LAMA2: variants seen among roughly 807,000 people sequenced by gnomAD.
LAMA2 encodes the protein laminin subunit alpha 2.
Under a neutral mutation model 364.8 loss-of-function variants are expected in LAMA2, and 269 were observed. That is an observed-to-expected ratio of 0.74 (90% CI 0.67 to 0.82). LAMA2 has a LOEUF of 0.82. Ranked by LOEUF, LAMA2 falls within the 40% of genes least tolerant of loss-of-function variation. The pLI, the probability that LAMA2 is intolerant of heterozygous loss-of-function variation, is 0.00. For missense variants in LAMA2, 3,807 were observed against 3,873.2 expected (o/e 0.98, Z 0.45); for synonymous variants, 1,379 against 1,370.6 (o/e 1.01, Z -0.14).
chr6:129,393,160 G>A lies in LAMA2; in HGVS notation c.5350G>A (p.Asp1784Asn), dbSNP rs1779415739. Residue 1784 changes from aspartate to asparagine, a missense_variant, in exon 37 of 65, where the codon GAT becomes AAT. Transcript: ENST00000421865. ...EKLADYKNKVDDAWDLLREAT... is the reference protein window; with the variant it reads ...EKLADYKNKVNDAWDLLREAT... ...ACTGGCTGACTACAAAAACAAAGTTGATGATGCTTGGGACCTTTTGAGAGA... is the reference window on the plus strand; with the variant it reads ...ACTGGCTGACTACAAAAACAAAGTTAATGATGCTTGGGACCTTTTGAGAGA... 1.9e-6 allele frequency: 3 copies of A among 1,613,980 alleles called. No individual in the cohort carries two copies. The South Asian group carries it at 3.3e-5, about 18-fold the overall frequency.
intron 8 of LAMA2, among the ~76,000 whole-genome samples, chr6:129,156,769 A>C (rs969468772): frequency 2.0e-5 from 3 of 152,116 alleles, no homozygotes; most frequent in African/African-American, 7.2e-5. Context: ...AGATGCTTTA[A>C]ACTTCTTTTG....
At chr6:129,367,421 A>G (rs1468822718) in intron 33 of LAMA2, among the ~76,000 whole-genome samples, 1 of 152,228 alleles carries the variant, frequency 6.6e-6, no homozygotes, top group African/African-American at 2.4e-5. Context: ...GCAAGAATAC[A>G]TAATGACCAT....
intron 1 of LAMA2, among the ~76,000 whole-genome samples, chr6:128,981,997 A>G (rs954329751): frequency 6.6e-6 from 1 of 152,170 alleles, no homozygotes; most frequent in African/African-American, 2.4e-5. Flanking sequence ...AGCATGAGTC[A>G]CACGCTTTCC....
chr6:129,330,163 A>G (rs926839877), intron 29 of LAMA2, among the ~76,000 whole-genome samples: 22 of 151,942 alleles, frequency 1.4e-4, no homozygotes, highest in Admixed American at 5.9e-4. Context: ...ATTTCATTAT[A>G]TATTACAATG....
chr6:128,984,363 G>A (rs898845355), intron 1 of LAMA2, among the ~76,000 whole-genome samples: 1 of 152,096 alleles, frequency 6.6e-6, no homozygotes, highest in African/African-American at 2.4e-5. Flanking sequence ...CTCATTCATT[G>A]CAGATGTTTG....
At chr6:128,940,074 T>C (rs1301898185) in intron 1 of LAMA2, among the ~76,000 whole-genome samples, 1 of 151,860 alleles carries the variant, frequency 6.6e-6, no homozygotes, top group African/African-American at 2.4e-5. Context: ...TTGCCTCAGT[T>C]TTTCAAGTTA....
intron 29 of LAMA2, among the ~76,000 whole-genome samples, chr6:129,331,219 TG>T (rs1157165205): frequency 1.3e-5 from 2 of 152,162 alleles, no homozygotes; most frequent in African/African-American, 2.4e-5. Flanking sequence ...AAAAGACAAT[TG>T]TGCCATCTAA....
chr6:129,037,993 T>G (rs1786784522), intron 1 of LAMA2, among the ~76,000 whole-genome samples: 1 of 152,228 alleles, frequency 6.6e-6, no homozygotes, highest in Non-Finnish European at 1.5e-5. Context: ...TTTGCTAGAC[T>G]ACATTAGAAA....
intron 32 of LAMA2, among the ~76,000 whole-genome samples, chr6:129,357,048 A>C (rs557498093): frequency 1.3e-4 from 20 of 152,060 alleles, no homozygotes; most frequent in Non-Finnish European, 2.6e-4. Flanking sequence ...TCCCAAATTA[A>C]GATTTCTTCT....
At chr6:128,936,300 A>G (rs1034147461) in intron 1 of LAMA2, among the ~76,000 whole-genome samples, 2 of 152,228 alleles carry the variant, frequency 1.3e-5, no homozygotes, top group Non-Finnish European at 2.9e-5. Flanking sequence ...TCAGTATGAC[A>G]TCAGCTGTAG....
intron 14 of LAMA2, among the ~76,000 whole-genome samples, chr6:129,255,968 A>G (rs949113954): frequency 2.0e-5 from 3 of 152,178 alleles, no homozygotes; most frequent in African/African-American, 4.8e-5. Flanking sequence ...CTACCTCCCA[A>G]TGCTATTCCA....
rs1450772080 is a variant in LAMA2, at chr6:129,353,297, A to G, written c.4657A>G (p.Thr1553Ala). Residue 1553 changes from threonine to alanine, a missense_variant, in exon 32 of 65, where the codon ACG becomes GCG. By Grantham distance (58) the Thr-to-Ala change is moderately conservative (BLOSUM62 0). Around this residue, in one of 3 missense-constraint regions of LAMA2, gnomAD observed 3,333 missense variants for 3,345.7 expected, o/e 1.00. Transcript: ENST00000421865. ...ATTCTGCACGTGCCGACCTGGAGCCACGGGAAGGAAGTGTGACGGCTGCAA... is the reference window on the plus strand; with the variant it reads ...ATTCTGCACGTGCCGACCTGGAGCCGCGGGAAGGAAGTGTGACGGCTGCAA... ...TGFCTCRPGA[T>A]GRKCDGCKHW... 1.9e-6 allele frequency: 3 copies of G among 1,614,052 alleles called. No individual in the cohort carries two copies. The highest frequency in any genetic ancestry group is 2.2e-5 in the East Asian group (1 of 44,886).
At chr6:129,344,772 A>C (rs887861721) in intron 30 of LAMA2, among the ~76,000 whole-genome samples, 1 of 152,226 alleles carries the variant, frequency 6.6e-6, no homozygotes, top group African/African-American at 2.4e-5. Flanking sequence ...GGGAGAGAAG[A>C]GCAGTGAACA....
At chr6:129,279,562 G>A (rs1788567025) in intron 17 of LAMA2, among the ~76,000 whole-genome samples, 1 of 152,138 alleles carries the variant, frequency 6.6e-6, no homozygotes, top group South Asian at 2.1e-4. Context: ...ATACCTGCAA[G>A]GAAGCACATG....
intron 17 of LAMA2, among the ~76,000 whole-genome samples, chr6:129,272,148 TCAA>T (rs768836100): frequency 2.0e-4 from 30 of 152,192 alleles, no homozygotes; most frequent in Non-Finnish European, 4.4e-5. Context: ...TATTTCACCT[TCAA>T]CTATAACTCA....
intron 1 of LAMA2, among the ~76,000 whole-genome samples, chr6:128,975,117 G>C (rs1314919872): frequency 6.6e-6 from 1 of 152,148 alleles, no homozygotes; most frequent in African/African-American, 2.4e-5. Context: ...CTCCCAAAGT[G>C]CTGGGATTAC....
At chr6:129,151,767 T>A (rs912980618) in intron 7 of LAMA2, among the ~76,000 whole-genome samples, 1 of 152,124 alleles carries the variant, frequency 6.6e-6, no homozygotes, top group Admixed American at 6.6e-5. Flanking sequence ...GAGGACAGCA[T>A]GGGGGAGCTG....
At chr6:129,391,467 C>T in intron 35 of LAMA2, 24 bp from the exon 36 acceptor site, 7 of 1,599,498 alleles carry the variant, frequency 4.4e-6, no homozygotes, top group Non-Finnish European at 6.0e-6. Flanking sequence ...TACTAATTTA[C>T]AAAATTTGTT....
chr6:129,314,759 T>G lies in LAMA2; in HGVS notation c.3516T>G (p.Thr1172=), dbSNP rs1377042197. ...GCAGCTGCTATTGCTTCGGCACTAC[T>G]ACCCAGTGCTCTGAAGCAAAAGGAC... ...GCSSCYCFGT[T]TQCSEAKGLI... The change falls in exon 24 of 65, where the codon ACT becomes ACG. Residue 1172 remains threonine (T), a synonymous_variant. Coordinates refer to ENST00000421865, the MANE Select transcript of LAMA2 (RefSeq NM_000426.4). The G allele has an allele frequency of 2.5e-6, 4 of 1,613,976 alleles. No individual in the cohort carries two copies. In the East Asian group the frequency reaches 8.9e-5, roughly 36 times the overall value.
Sources: gnomAD v4.1 joint callset for allele counts (sites outside exome capture counted in the v4.1 genomes callset) on GRCh38, gnomAD v4.1.1 for gene constraint, gnomAD v4.1.1 regional missense constraint, MANE v1.5 for transcripts, NCBI Gene and HGNC (gene_info 2026-07-23, HGNC 2026-07-21) for gene names.